The following TMC1 variants were observed in gnomAD, a reference collection of about 807,000 sequenced individuals.
The protein encoded by TMC1 is transmembrane channel like 1.
Under a neutral mutation model 105.8 loss-of-function variants are expected in TMC1, and 84 were observed. The ratio of observed to expected loss-of-function variants is 0.79; its 90% CI spans 0.67 to 0.95. The LOEUF is 0.95. Ranked by LOEUF, TMC1 falls within the 40% of genes least tolerant of loss-of-function variation. The probability of loss-of-function intolerance (pLI) is 0.00; values close to 1 mark genes in which losing one functional copy is unlikely to be tolerated. For synonymous variants in TMC1, 315 were observed against 311.5 expected (o/e 1.01, Z -0.12); for missense variants, 817 against 914.1 (o/e 0.89, Z 1.37).
intron 2 of TMC1, among the ~76,000 whole-genome samples, chr9:72,605,736 TG>T (rs1338441865): frequency 1.3e-5 from 2 of 151,906 alleles, no homozygotes; most frequent in Non-Finnish European, 1.5e-5. Context: ...CCACCACGCC[TG>T]GCTAATTTTT....
intron 5 of TMC1, among the ~76,000 whole-genome samples, chr9:72,683,981 A>G (rs559758575): frequency 1.3e-5 from 2 of 150,682 alleles, no homozygotes; most frequent in African/African-American, 4.9e-5. Context: ...TTGAATTGCT[A>G]TAGTGGACTC....
At chr9:72,744,040 T>C (rs1459972276) in intron 10 of TMC1, among the ~76,000 whole-genome samples, 4 of 152,148 alleles carry the variant, frequency 2.6e-5, no homozygotes, top group Non-Finnish European at 5.9e-5. Flanking sequence ...ACACAGCTGA[T>C]GGATAGCTTG....
At chr9:72,576,733 G>A (rs1177111320) in intron 1 of TMC1, among the ~76,000 whole-genome samples, 6 of 150,778 alleles carry the variant, frequency 4.0e-5, no homozygotes, top group South Asian at 4.2e-4. Flanking sequence ...AACTTCAAGC[G>A]ATTCTCCTGC....
At chr9:72,522,389 C>T (rs1198438629) in intron 1 of TMC1, among the ~76,000 whole-genome samples, 1 of 152,186 alleles carries the variant, frequency 6.6e-6, no homozygotes, top group African/African-American at 2.4e-5. Flanking sequence ...GCGTGAGCCA[C>T]CGCACCTGGC....
intron 1 of TMC1, among the ~76,000 whole-genome samples, chr9:72,550,624 C>T (rs981870555): frequency 6.8e-6 from 1 of 147,038 alleles, no homozygotes; most frequent in African/African-American, 2.5e-5. Context: ...CGCCACTGCA[C>T]TCCAGCCTGG....
chr9:72,603,611 G>A (rs1007212024), intron 2 of TMC1, among the ~76,000 whole-genome samples: 4 of 152,172 alleles, frequency 2.6e-5, no homozygotes, highest in Non-Finnish European at 4.4e-5. Flanking sequence ...CCACAGTGGC[G>A]CGATTTCAGC....
At chr9:72,772,707 A>G in intron 13 of TMC1, 152 bp downstream of exon 13, 1 of 1,040,242 alleles carries the variant, frequency 9.6e-7, no homozygotes, top group Non-Finnish European at 1.5e-6. Context: ...TACCAACACT[A>G]ATGTTAGACT....
intron 8 of TMC1, among the ~76,000 whole-genome samples, chr9:72,721,359 C>T (rs1827022342): frequency 6.6e-6 from 1 of 152,154 alleles, no homozygotes; most frequent in Non-Finnish European, 1.5e-5. Flanking sequence ...CCTTTGGAAG[C>T]TTAGGGCTGT....
chr9:72,658,247 G>T, intron 5 of TMC1, among the ~76,000 whole-genome samples: 1 of 151,730 alleles, frequency 6.6e-6, no homozygotes, highest in East Asian at 1.9e-4. Flanking sequence ...AAAATTGGGG[G>T]TGCAGGATAT....
At chr9:72,558,140 A>ATTTCTCTCTCTCTCTCTCTTTCTCTC (rs1587955938) in intron 1 of TMC1, among the ~76,000 whole-genome samples, 1 of 151,878 alleles carries the variant, frequency 6.6e-6, no homozygotes, top group Non-Finnish European at 1.5e-5. Context: ...TTTGGTGAAC[A>ATTTCTCTCTCTCTCTCTCTTTCTCTC]TTTCTCTCTC....
intron 1 of TMC1, among the ~76,000 whole-genome samples, chr9:72,529,705 T>C (rs1395543557): frequency 1.3e-5 from 2 of 151,952 alleles, no homozygotes; most frequent in African/African-American, 4.8e-5. Flanking sequence ...TGGTTTTCAC[T>C]GCCTTTGGGA....
intron 19 of TMC1, 50 bp from the exon 20 acceptor site, chr9:72,820,792 T>C (rs1246296944): frequency 1.2e-6 from 2 of 1,611,762 alleles, no homozygotes; most frequent in Non-Finnish European, 1.7e-6. Context: ...AGTGTGACTT[T>C]GTTATGGAGT....
chr9:72,588,653 G>A (rs965723237), intron 2 of TMC1, among the ~76,000 whole-genome samples: 1 of 152,160 alleles, frequency 6.6e-6, no homozygotes, highest in Non-Finnish European at 1.5e-5. Flanking sequence ...TCATCAAGGA[G>A]TTGTAGAGGC....
At chr9:72,608,261 G>A (rs1049834014) in intron 2 of TMC1, among the ~76,000 whole-genome samples, 2 of 152,176 alleles carry the variant, frequency 1.3e-5, no homozygotes, top group African/African-American at 4.8e-5. Context: ...ACTCATGTTC[G>A]TATTCTTCAA....
intron 20 of TMC1, among the ~76,000 whole-genome samples, chr9:72,821,438 G>A (rs1828870642): frequency 6.6e-6 from 1 of 151,594 alleles, no homozygotes; most frequent in Non-Finnish European, 1.5e-5. Flanking sequence ...GGAGGCGGAG[G>A]TTGCAGTGAG....
At chr9:72,749,056 G>A (rs1827537105) in intron 10 of TMC1, among the ~76,000 whole-genome samples, 2 of 152,190 alleles carry the variant, frequency 1.3e-5, no homozygotes, top group Admixed American at 1.3e-4. Flanking sequence ...GGACTCTAAA[G>A]TATATTTCAT....
intron 1 of TMC1, among the ~76,000 whole-genome samples, chr9:72,546,659 T>G (rs982893177): frequency 6.6e-6 from 1 of 152,230 alleles, no homozygotes; most frequent in Non-Finnish European, 1.5e-5. Context: ...ACACAAAATT[T>G]TAAAGACTGA....
intron 18 of TMC1, among the ~76,000 whole-genome samples, chr9:72,810,738 C>T (rs1430383833): frequency 6.6e-6 from 1 of 152,102 alleles, no homozygotes; most frequent in Non-Finnish European, 1.5e-5. Flanking sequence ...GTATAATATT[C>T]TGTATGCAAA....
intron 18 of TMC1, among the ~76,000 whole-genome samples, chr9:72,815,252 A>C (rs1019177502): frequency 6.6e-6 from 1 of 152,092 alleles, no homozygotes; most frequent in African/African-American, 2.4e-5. Context: ...GGGCCACCCT[A>C]TCACAGTTAA....
Sources: gnomAD v4.1 joint callset for allele counts (sites outside exome capture counted in the v4.1 genomes callset) on GRCh38, gnomAD v4.1.1 for gene constraint, MANE v1.5 for transcripts, NCBI Gene and HGNC (gene_info 2026-07-23, HGNC 2026-07-21) for gene names.